The following FARS2 variants were observed in gnomAD, a reference collection of about 807,000 sequenced individuals.
FARS2 encodes the protein phenylalanyl-tRNA synthetase 2, mitochondrial.
In FARS2, 40 loss-of-function variants were observed where a neutral mutation model predicts 46.4. The ratio of observed to expected loss-of-function variants is 0.86; its 90% CI spans 0.67 to 1.12. The LOEUF (loss-of-function observed/expected upper bound fraction) is 1.12, where lower values mean the gene tolerates loss of function less well. Ranked by LOEUF, FARS2 falls within the 50% of genes most tolerant of loss-of-function variation. FARS2 has a pLI of 0.00. For synonymous variants in FARS2, 234 were observed against 214.9 expected, an observed-to-expected ratio of 1.09 and a Z score of -0.78; for missense variants, 513 against 567.9, an observed-to-expected ratio of 0.90 and a Z score of 0.98.
intron 1 of FARS2, among the ~76,000 whole-genome samples, chr6:5,296,185 G>A (rs558771750): frequency 1.9e-3 from 240 of 126,856 alleles, no homozygotes; most frequent in African/African-American, 6.7e-3. Flanking sequence ...TCTGTCGCCT[G>A]GGCTGGAGTG....
intron 6 of FARS2, among the ~76,000 whole-genome samples, chr6:5,632,757 G>A (rs1254471202): frequency 2.0e-5 from 3 of 151,272 alleles, no homozygotes; most frequent in East Asian, 2.0e-4. Context: ...ATCTTTTAAT[G>A]TGCTTTTTGG....
intron 1 of FARS2, among the ~76,000 whole-genome samples, chr6:5,262,234 C>T (rs1223679733): frequency 6.6e-6 from 1 of 152,122 alleles, no homozygotes; most frequent in Non-Finnish European, 1.5e-5. Flanking sequence ...AACGATATAC[C>T]TGCTGTATGT....
chr6:5,340,977 C>G (rs1771516814), intron 1 of FARS2, among the ~76,000 whole-genome samples: 1 of 151,466 alleles, frequency 6.6e-6, no homozygotes, highest in Non-Finnish European at 1.5e-5. Context: ...GAAACCCCGT[C>G]TCTGCTAAAA....
At position 5,328,267 on chromosome 6, in the gene FARS2, C is replaced by T. The variant is rs114800922; in HGVS notation, c.-21-40283C>T. Reference sequence around the variant, plus strand: ...CAGTCTCCCTCCTTGTTTACCCTTACCCCCAAAGCACTATTGCCCCTGTTG... The same window carrying T: ...CAGTCTCCCTCCTTGTTTACCCTTATCCCCAAAGCACTATTGCCCCTGTTG... On this transcript the variant is annotated intron_variant, in intron 1 of 6. Coordinates refer to ENST00000274680, the MANE Select transcript of FARS2 (RefSeq NM_006567.5). Among the ~76,000 whole-genome samples the T allele has an allele frequency of 8.8e-3, 1,340 of 152,266 alleles. 16 individuals carry two copies. The highest frequency in any genetic ancestry group is 0.03 in the African/African-American group (1,247 of 41,550).
intron 5 of FARS2, among the ~76,000 whole-genome samples, chr6:5,586,318 T>C (rs75475190): frequency 1.1e-3 from 175 of 152,306 alleles, no homozygotes; most frequent in Non-Finnish European, 1.9e-3. Context: ...GCTTTCAGCT[T>C]TTCAACTTTG....
chr6:5,432,663 G>A (rs1454156104), intron 4 of FARS2, among the ~76,000 whole-genome samples: 5 of 150,572 alleles, frequency 3.3e-5, no homozygotes, highest in African/African-American at 7.3e-5. Context: ...AAACCTTTCC[G>A]GCTCTGCTCC....
chr6:5,566,513 G>A (rs1268009094), intron 5 of FARS2, among the ~76,000 whole-genome samples: 1 of 152,118 alleles, frequency 6.6e-6, no homozygotes, highest in East Asian at 1.9e-4. Flanking sequence ...GGTTTGTGAT[G>A]CCTCCTCTGT....
At chr6:5,390,933 T>C (rs1760470441) in intron 2 of FARS2, among the ~76,000 whole-genome samples, 1 of 152,248 alleles carries the variant, frequency 6.6e-6, no homozygotes, top group Admixed American at 6.5e-5. Context: ...TTGATGCAAT[T>C]GCACATATGC....
rs532396424 is a variant in FARS2 at position 5,321,331 on chromosome 6, A to C, written c.-21-47219A>C. ...GATGGCAGATGGTGCATTGGGCTTG[A>C]TGTGTTCTTGCACTGTTTGTAGACG... is the stretch of plus-strand genomic sequence containing the variant. On this transcript the variant is annotated intron_variant, in intron 1 of 6. Coordinates refer to ENST00000274680, the MANE Select transcript of FARS2 (RefSeq NM_006567.5). 2.0e-5 allele frequency among the ~76,000 whole-genome samples: 3 copies of C among 152,236 alleles called. No individual in the cohort carries two copies. The South Asian group carries it at 6.2e-4, about 32-fold the overall frequency.
chr6:5,315,178 A>G (rs1769357645), intron 1 of FARS2, among the ~76,000 whole-genome samples: 1 of 152,226 alleles, frequency 6.6e-6, no homozygotes, highest in Non-Finnish European at 1.5e-5. Flanking sequence ...TCTGGGTATT[A>G]TAATGTATAT....
At chr6:5,746,716 G>A (rs549787017) in intron 6 of FARS2, among the ~76,000 whole-genome samples, 7 of 152,124 alleles carry the variant, frequency 4.6e-5, no homozygotes, top group Non-Finnish European at 7.4e-5. Context: ...CATCTTTGTC[G>A]CCCCAGTCAG....
intron 4 of FARS2, among the ~76,000 whole-genome samples, chr6:5,530,389 A>G (rs1315522139): frequency 6.6e-6 from 1 of 152,136 alleles, no homozygotes; most frequent in Non-Finnish European, 1.5e-5. Flanking sequence ...TAAGTACAAT[A>G]TGTGATCCTC....
chr6:5,385,895 G>A (rs1760100438), intron 2 of FARS2, among the ~76,000 whole-genome samples: 2 of 152,150 alleles, frequency 1.3e-5, no homozygotes, highest in African/African-American at 4.8e-5. Flanking sequence ...TTATCCCTGG[G>A]GCTCAGGGGT....
upstream of FARS2, among the ~76,000 whole-genome samples, chr6:5,259,273 C>T (rs1242053309): frequency 1.3e-5 from 2 of 152,184 alleles, no homozygotes; most frequent in South Asian, 4.1e-4. Flanking sequence ...ATTTAACTTG[C>T]ATATTTCATG....
chr6:5,453,598 C>T (rs758515324), intron 4 of FARS2, among the ~76,000 whole-genome samples: 60 of 152,330 alleles, frequency 3.9e-4, no homozygotes, highest in Admixed American at 9.1e-4. Flanking sequence ...CTCTGTTTAA[C>T]ATATGATGAA....
intron 6 of FARS2, among the ~76,000 whole-genome samples, chr6:5,707,849 G>A (rs975022175): frequency 9.2e-5 from 14 of 152,208 alleles, no homozygotes; most frequent in Non-Finnish European, 1.8e-4. Flanking sequence ...CCCTGCCATC[G>A]GGGCCTCACA....
chr6:5,318,142 C>T (rs1026416540), intron 1 of FARS2, among the ~76,000 whole-genome samples: 1 of 151,926 alleles, frequency 6.6e-6, no homozygotes, highest in African/African-American at 2.4e-5. Context: ...GGGAGGATCA[C>T]GAGGTCAGGA....
chr6:5,747,396 A>T (rs1276594489), intron 6 of FARS2, among the ~76,000 whole-genome samples: 1 of 152,090 alleles, frequency 6.6e-6, no homozygotes, highest in African/African-American at 2.4e-5. Context: ...TAAACAAGAG[A>T]TGGTGGTGGT....
At chr6:5,500,921 G>C (rs1045270721) in intron 4 of FARS2, among the ~76,000 whole-genome samples, 3 of 146,864 alleles carry the variant, frequency 2.0e-5, no homozygotes, top group Non-Finnish European at 4.4e-5. Context: ...TTCCAGTCAA[G>C]CTTCAAATCC....
Sources: allele counts gnomAD v4.1 joint callset (sites outside exome capture counted in the v4.1 genomes callset), GRCh38; gene constraint gnomAD v4.1.1; transcripts MANE v1.5; gene names NCBI Gene and HGNC (gene_info 2026-07-23, HGNC 2026-07-21).